The following CTSB variants were observed in gnomAD, a reference collection of about 807,000 sequenced individuals.
The protein encoded by CTSB is APP secretase.
Under a neutral mutation model 44.3 loss-of-function variants are expected in CTSB, and 57 were observed. That is an observed-to-expected ratio of 1.29 (90% CI 1.04 to 1.60). The LOEUF is 1.60. Among genes scored for constraint, CTSB ranks in the 40% most tolerant of loss-of-function variants. The probability of loss-of-function intolerance (pLI) is 0.00; values close to 1 mark genes in which losing one functional copy is unlikely to be tolerated. For synonymous variants in CTSB, 320 were observed against 168.0 expected, an observed-to-expected ratio of 1.91 and a Z score of -7.00; for missense variants, 768 against 443.0, an observed-to-expected ratio of 1.73 and a Z score of -6.59.
At chr8:11,860,345 G>T (rs956988306) in intron 1 of CTSB, among the ~76,000 whole-genome samples, 2 of 152,112 alleles carry the variant, frequency 1.3e-5, no homozygotes, top group African/African-American at 4.8e-5. Flanking sequence ...AAAGTTGGCC[G>T]GGCACAGTGG....
chr8:11,852,589 T>G (rs770795249), intron 3 of CTSB, 21 bp downstream of exon 3: 2 of 1,594,832 alleles, frequency 1.3e-6, no homozygotes, highest in African/African-American at 1.3e-5. Context: ...ATTACAGCGG[T>G]GCAGAGGAGC....
chr8:11,845,477 T>G (rs1168869571), intron 9 of CTSB, among the ~76,000 whole-genome samples, 184 bp downstream of exon 9: 1 of 152,210 alleles, frequency 6.6e-6, no homozygotes, highest in Non-Finnish European at 1.5e-5. Flanking sequence ...GCTCTGAAGC[T>G]GCTCAGAGTC....
intron 4 of CTSB, among the ~76,000 whole-genome samples, chr8:11,850,358 G>A (rs1814324628): frequency 1.4e-5 from 2 of 140,872 alleles, no homozygotes; most frequent in Admixed American, 7.6e-5. Flanking sequence ...GGCAGAGGTT[G>A]CAGTGAGCCA....
chr8:11,858,648 T>C (rs910716469), intron 1 of CTSB, among the ~76,000 whole-genome samples: 1 of 152,182 alleles, frequency 6.6e-6, no homozygotes, highest in Non-Finnish European at 1.5e-5. Context: ...GCTTCCACTC[T>C]TGAGGGTCCC....
At chr8:11,845,370 G>A in intron 9 of CTSB, 148 bp from the exon 10 acceptor site, 9 of 685,602 alleles carry the variant, frequency 1.3e-5, no homozygotes, top group South Asian at 1.8e-5. Flanking sequence ...AAGGCTTCTG[G>A]AGCCGTGGGG....
At position 11,848,284 on chromosome 8, in the gene CTSB, T is replaced by A. The variant is rs1437328866; in HGVS notation, c.447-132A>T. ...CTGCAGCAAGTGGTGCGAGCAGACC[T>A]CCCAGACCCCAAACCCTCCAAGGGA... is the stretch of plus-strand genomic sequence containing the variant. On this transcript the variant is annotated intron_variant, in intron 5 of 9. Coordinates refer to ENST00000353047, the MANE Select transcript of CTSB (RefSeq NM_001908.5). 1.2e-5 allele frequency: 9 copies of A among 773,486 alleles called. No homozygotes were observed. In the East Asian group the frequency reaches 2.3e-4, roughly 20 times the overall value. The allele number at this position is 773,486 out of a possible 1,614,324, so 47.9% of individuals were successfully genotyped here.
chr8:11,866,074 G>C (rs1817104779), intron 1 of CTSB, among the ~76,000 whole-genome samples: 1 of 150,614 alleles, frequency 6.6e-6, no homozygotes, highest in African/African-American at 2.4e-5. Flanking sequence ...ATCACTGACA[G>C]ACATCCCAAG....
At chr8:11,863,923 A>G (rs759400472) in intron 1 of CTSB, among the ~76,000 whole-genome samples, 1 of 152,180 alleles carries the variant, frequency 6.6e-6, no homozygotes, top group Admixed American at 6.5e-5. Flanking sequence ...ACTCTCCCAC[A>G]TGTGCCCTGC....
At chr8:11,856,782 T>C (rs948618828) in intron 1 of CTSB, among the ~76,000 whole-genome samples, 1 of 151,362 alleles carries the variant, frequency 6.6e-6, no homozygotes, top group Non-Finnish European at 1.5e-5. Flanking sequence ...ACATGCAAAA[T>C]GCCAAGGAAG....
chr8:11,859,881 T>G (rs1362287424), intron 1 of CTSB, among the ~76,000 whole-genome samples: 2 of 150,142 alleles, frequency 1.3e-5, no homozygotes, highest in Non-Finnish European at 3.0e-5. Flanking sequence ...AAGACCAGCC[T>G]GGCCAACATG....
At chr8:11,849,024 G>T in intron 5 of CTSB, 22 bp downstream of exon 5, 1 of 1,586,234 alleles carries the variant, frequency 6.3e-7, no homozygotes, top group Non-Finnish European at 8.6e-7. Flanking sequence ...TAAACCCGCT[G>T]TGGAAGCACA....
At chr8:11,854,592 G>C (rs888310713) in intron 1 of CTSB, 1 of 106,812 alleles carries the variant, frequency 9.4e-6, no homozygotes, top group Admixed American at 8.5e-5. Flanking sequence ...CACCTCCCAG[G>C]TTCTTAGCCT....
chr8:11,856,919 G>A (rs1370748347), intron 1 of CTSB, among the ~76,000 whole-genome samples: 2 of 152,030 alleles, frequency 1.3e-5, no homozygotes, highest in African/African-American at 2.4e-5. Flanking sequence ...AAAATAGTTG[G>A]CAGTATTACT....
intron 2 of CTSB, 45 bp from the exon 3 acceptor site, chr8:11,852,740 G>A (rs753170804): frequency 2.0e-5 from 32 of 1,561,470 alleles, no homozygotes; most frequent in South Asian, 1.9e-4. Flanking sequence ...CCGGGATGGC[G>A]GTGGATGGGC....
chr8:11,852,866 G>A (rs1325642354), intron 2 of CTSB, among the ~76,000 whole-genome samples, 171 bp from the exon 3 acceptor site: 1 of 152,178 alleles, frequency 6.6e-6, no homozygotes, highest in South Asian at 2.1e-4. Context: ...GGCAGAGTGG[G>A]TGTCTCCCCT....
chr8:11,848,944 C>A (rs111737488), intron 5 of CTSB, 102 bp downstream of exon 5: 1 of 798,074 alleles, frequency 1.3e-6, no homozygotes, highest in African/African-American at 1.7e-5. Flanking sequence ...ACACTTCTGA[C>A]TCGCAGCAGT....
chr8:11,848,225 A>G (rs773800326), intron 5 of CTSB, 73 bp from the exon 6 acceptor site: 1 of 1,419,314 alleles, frequency 7.0e-7, no homozygotes, highest in Non-Finnish European at 1.0e-6. Flanking sequence ...TGTGCTACCC[A>G]AGTGCCCGAG....
At chr8:11,862,351 C>G (rs1816561682) in intron 1 of CTSB, 1 of 152,230 alleles carries the variant, frequency 6.6e-6, no homozygotes, top group Non-Finnish European at 1.5e-5. Context: ...CTACCCTGCA[C>G]CAGGCTCAGA....
At position 11,847,082 on chromosome 8, in the gene CTSB, C is replaced by T; in HGVS notation, c.763G>A (p.Val255Met). 1 of 1,611,880 alleles carries T rather than the reference C, an allele frequency of 6.2e-7. No individual in the cohort carries two copies. The highest frequency in any genetic ancestry group is 1.1e-5 in the South Asian group (1 of 91,046). ...KNGPVEGAFS[V>M]YSDFLLYKSG... Reference sequence around the variant, plus strand: ...TTGTAGAGCAGGAAGTCCGAATACACAGAGAAAGCTCCCTCCACGGGGCCG... The same window carrying T: ...TTGTAGAGCAGGAAGTCCGAATACATAGAGAAAGCTCCCTCCACGGGGCCG... Residue 255 changes from valine (V) to methionine (M), a missense_variant, in exon 8 of 10, where the codon GTG becomes ATG. Val to Met is a conservative substitution (Grantham distance 21). Coordinates refer to ENST00000353047, the MANE Select transcript of CTSB (RefSeq NM_001908.5).
Sources: gnomAD v4.1 joint callset for allele counts (sites outside exome capture counted in the v4.1 genomes callset) on GRCh38, gnomAD v4.1.1 for gene constraint, MANE v1.5 for transcripts, NCBI Gene and HGNC (gene_info 2026-07-23, HGNC 2026-07-21) for gene names.